The following SAMD12 variants were observed in gnomAD, a reference collection of about 807,000 sequenced individuals.
SAMD12 encodes the protein sterile alpha motif domain-containing protein 12.
In SAMD12, 9 loss-of-function variants were observed where a neutral mutation model predicts 15.0. The observed-to-expected ratio is 0.60, with a 90% CI of 0.36 to 1.05. The LOEUF is 1.05. Ranked by LOEUF, SAMD12 falls within the 50% of genes least tolerant of loss-of-function variation. The pLI, the probability that SAMD12 is intolerant of heterozygous loss-of-function variation, is 0.01. For missense variants in SAMD12, 230 were observed against 234.2 expected, an observed-to-expected ratio of 0.98 and a Z score of 0.12; for synonymous variants, 86 against 90.1, an observed-to-expected ratio of 0.96 and a Z score of 0.25.
intron 2 of SAMD12, among the ~76,000 whole-genome samples, chr8:118,476,447 A>C (rs1823962712): frequency 6.6e-6 from 1 of 152,152 alleles, no homozygotes; most frequent in Non-Finnish European, 1.5e-5. Context: ...GGTGCCTGAA[A>C]TTTTTCTTTT....
chr8:118,301,008 A>G (rs1213619866), intron 4 of SAMD12, among the ~76,000 whole-genome samples: 1 of 152,206 alleles, frequency 6.6e-6, no homozygotes, highest in Non-Finnish European at 1.5e-5. Context: ...CATTTCTTAA[A>G]GGTTAAAAGG....
At chr8:118,244,099 T>G (rs1394716788) in intron 4 of SAMD12, among the ~76,000 whole-genome samples, 2 of 152,104 alleles carry the variant, frequency 1.3e-5, no homozygotes, top group African/African-American at 4.8e-5. Flanking sequence ...TATACAGGTC[T>G]TCATCATGAC....
At chr8:118,221,298 G>A (rs934581103) in intron 4 of SAMD12, among the ~76,000 whole-genome samples, 7 of 152,284 alleles carry the variant, frequency 4.6e-5, no homozygotes, top group East Asian at 1.9e-4. Flanking sequence ...GAAGTGCTAC[G>A]TTAGTAGTGT....
intron 3 of SAMD12, among the ~76,000 whole-genome samples, chr8:118,420,944 AT>A (rs545094094): frequency 6.6e-6 from 1 of 152,200 alleles, no homozygotes; most frequent in Non-Finnish European, 1.5e-5. Context: ...CACTTCTTTC[AT>A]TTATATACTA....
chr8:118,256,853 G>T (rs529068114), intron 4 of SAMD12, among the ~76,000 whole-genome samples: 1 of 149,654 alleles, frequency 6.7e-6, no homozygotes, highest in Non-Finnish European at 1.5e-5. Flanking sequence ...GGAATTCTTG[G>T]TTCATAGAGT....
intron 2 of SAMD12, among the ~76,000 whole-genome samples, chr8:118,476,458 A>G (rs1166103224): frequency 6.6e-6 from 1 of 152,170 alleles, no homozygotes; most frequent in East Asian, 1.9e-4. Flanking sequence ...TTTTTCTTTT[A>G]CAGAGATAAA....
At chr8:118,137,385 T>C in the SAMD12 span, among the ~76,000 whole-genome samples, 5 of 152,224 alleles carry the variant, frequency 3.3e-5, no homozygotes, top group Middle Eastern at 0.014. Context: ...CCAGAAAAAC[T>C]TGGGGGTGGG....
rs568014208 is a variant in SAMD12 at position 118,497,096 on chromosome 8, G to C, written c.193-57135C>G. Among the ~76,000 whole-genome samples the C allele has an allele frequency of 2.6e-5, 4 of 152,278 alleles. No homozygotes were observed. The East Asian group carries it at 7.7e-4, about 29-fold the overall frequency. On this transcript the variant is annotated intron_variant, in intron 2 of 3. Transcript: ENST00000314727. ...GATGTTGGCGACATTGCAGAGAAAA[G>C]GGAACACTTACACACTGCTGGTGGG... is the stretch of plus-strand genomic sequence containing the variant.
intron 4 of SAMD12, among the ~76,000 whole-genome samples, chr8:118,364,442 G>C (rs13248601): frequency 6.6e-6 from 1 of 152,120 alleles, no homozygotes; most frequent in Non-Finnish European, 1.5e-5. Context: ...AACCCTAAGA[G>C]CTGAAAACTC....
At chr8:118,456,899 ACT>A (rs1353775572) in intron 2 of SAMD12, among the ~76,000 whole-genome samples, 2 of 151,954 alleles carry the variant, frequency 1.3e-5, no homozygotes, top group African/African-American at 4.8e-5. Flanking sequence ...ACTCAGCCTG[ACT>A]CTGCTCAAAT....
intron 2 of SAMD12, among the ~76,000 whole-genome samples, chr8:118,468,085 G>C (rs148156953): frequency 1.1e-3 from 164 of 152,278 alleles, no homozygotes; most frequent in African/African-American, 3.8e-3. Flanking sequence ...AAGATAGTCT[G>C]TCAACAGAAC....
intron 3 of SAMD12, among the ~76,000 whole-genome samples, chr8:118,437,052 GGT>G (rs1427419157): frequency 6.6e-6 from 1 of 152,080 alleles, no homozygotes. Flanking sequence ...TGCACACCCT[GGT>G]GAGGTTTGCT....
intron 2 of SAMD12, among the ~76,000 whole-genome samples, chr8:118,534,668 C>A (rs1563914121): frequency 6.6e-6 from 1 of 152,162 alleles, no homozygotes; most frequent in South Asian, 2.1e-4. Context: ...CTCTAAATTT[C>A]TCTTTTTGCT....
intron 2 of SAMD12, among the ~76,000 whole-genome samples, chr8:118,506,028 T>C (rs1217261212): frequency 1.3e-5 from 2 of 152,200 alleles, no homozygotes; most frequent in Non-Finnish European, 2.9e-5. Context: ...CTCTTGCTTA[T>C]TGCTCTAGTC....
chr8:118,299,332 G>GT (rs1458385250), intron 4 of SAMD12, among the ~76,000 whole-genome samples: 1 of 152,150 alleles, frequency 6.6e-6, no homozygotes, highest in Admixed American at 6.5e-5. Context: ...AAGCAGGCAG[G>GT]TAAGAGATTC....
At chr8:118,615,800 G>C (rs1269633575) in intron 1 of SAMD12, among the ~76,000 whole-genome samples, 2 of 152,198 alleles carry the variant, frequency 1.3e-5, no homozygotes, top group African/African-American at 4.8e-5. Context: ...GAAAGAAAGG[G>C]TGGGATAAAA....
At chr8:118,306,552 T>A (rs1815360048) in intron 4 of SAMD12, among the ~76,000 whole-genome samples, 1 of 152,180 alleles carries the variant, frequency 6.6e-6, no homozygotes, top group Non-Finnish European at 1.5e-5. Context: ...AACAAGGACT[T>A]CATTCTAAGG....
At chr8:118,161,820 C>T in the SAMD12 span, among the ~76,000 whole-genome samples, 2 of 151,726 alleles carry the variant, frequency 1.3e-5, no homozygotes, top group African/African-American at 4.8e-5. Flanking sequence ...AGGAATGGAT[C>T]AATATCATTC....
chr8:118,134,130 G>A, the SAMD12 span, among the ~76,000 whole-genome samples: 1 of 152,142 alleles, frequency 6.6e-6, no homozygotes, highest in Non-Finnish European at 1.5e-5. Flanking sequence ...AGGGAAAGAT[G>A]GGAAATGTTA....
Sources: gnomAD v4.1 joint callset for allele counts (sites outside exome capture counted in the v4.1 genomes callset) on GRCh38, gnomAD v4.1.1 for gene constraint, MANE v1.5 for transcripts, NCBI Gene and HGNC (gene_info 2026-07-23, HGNC 2026-07-21) for gene names.